Variants in PCDHGA5 observed in about 807,000 individuals in gnomAD.
The protein encoded by PCDHGA5 is protocadherin gamma-A5.
PCDHGA5 carries 36 observed loss-of-function variants against 56.7 expected under a neutral mutation model. The observed-to-expected ratio is 0.64, with a 90% CI of 0.49 to 0.84. The LOEUF is 0.84. PCDHGA5 is among the 40% of genes least tolerant of loss of function. The pLI is 0.00. For missense variants in PCDHGA5, 1,305 were observed against 1,201.5 expected (o/e 1.09, Z -1.27); for synonymous variants, 563 against 520.2 (o/e 1.08, Z -1.12).
At position 141,393,580 on chromosome 5, in the gene PCDHGA5, C is replaced by A. The variant is rs756625630; in HGVS notation, c.2421+26829C>A. 5.6e-6 allele frequency: 9 copies of A among 1,613,758 alleles called. No individual in the cohort carries two copies. In the South Asian group the frequency reaches 9.9e-5, roughly 18 times the overall value. ...CGAGTGAAAGTCCTTGAGAACATGC[C>A]CCCAGGCACGCGGCTGCTTACTGTA... is the stretch of plus-strand genomic sequence containing the variant. On this transcript the variant is annotated intron_variant, in intron 1 of 3. Transcript: ENST00000518069.
chr5:141,366,229 G>T lies in PCDHGA5; in HGVS notation c.1899G>T (p.Leu633=). ...TGEVRTARAL[L]DRDALKQSLV... ...AGGTGCGCACAGCGCGAGCCCTGCT[G>T]GACAGAGACGCGCTCAAGCAGAGCC... The change falls in exon 1 of 4, where the codon CTG becomes CTT. Residue 633 remains leucine, a synonymous_variant. Transcript: ENST00000518069. 6.2e-7 allele frequency: 1 copy of T among 1,613,808 alleles called. No homozygotes were observed. Among genetic ancestry groups the T allele is most frequent in the South Asian group, 1.1e-5 (1 of 91,082 alleles).
In PCDHGA5 at chr5:141,472,980, C is replaced by CAAAA. The variant is rs60579131; in HGVS notation, c.2422-21813_2422-21810dup. ...CAGCCTGGGGAACAAGAGTGAAACT[C>CAAAA]AAAAAAAAAAAAAAAAAGAAAGAAA... On this transcript the variant is annotated intron_variant, in intron 1 of 3. Transcript: ENST00000518069. 5.5e-3 allele frequency among the ~76,000 whole-genome samples: 472 copies of CAAAA among 85,978 alleles called. 4 individuals carry two copies. The highest frequency in any genetic ancestry group is 0.013 in the Admixed American group (104 of 8,158). The allele number at this position is 85,978 out of a possible 152,430, so 56.4% of individuals were successfully genotyped here. A position where few individuals can be genotyped will look rare whatever the true frequency, so the allele number is the denominator to read the frequency against.
chr5:141,493,935 C>T lies in PCDHGA5; in HGVS notation c.2422-872C>T, dbSNP rs1317863228. Among the ~76,000 whole-genome samples the T allele has an allele frequency of 6.6e-6, 1 of 152,158 alleles. No homozygotes were observed. Among genetic ancestry groups the T allele is most frequent in the Non-Finnish European group, 1.5e-5 (1 of 68,020 alleles). On this transcript the variant is annotated intron_variant, in intron 1 of 3. Coordinates refer to ENST00000518069, the MANE Select transcript of PCDHGA5 (RefSeq NM_018918.3). This position sits in a 1 kb window ranked among gnomAD's most constrained non-coding sequence, Gnocchi z 4.3. Reference sequence around the variant, plus strand: ...TGGGATAACACACCCCCTGGAAAGACCAGAAGGGACTCAGGAATGAAGTGG... The same window carrying T: ...TGGGATAACACACCCCCTGGAAAGATCAGAAGGGACTCAGGAATGAAGTGG...
At chr5:141,483,761 GA>G (rs1376816525) in intron 1 of PCDHGA5, among the ~76,000 whole-genome samples, 1 of 152,118 alleles carries the variant, frequency 6.6e-6, no homozygotes, top group African/African-American at 2.4e-5. Flanking sequence ...TCGAGGCTTG[GA>G]AAAATATTGG....
rs372827164 is a variant in PCDHGA5, at chr5:141,394,334, C to T, written c.2421+27583C>T. On this transcript the variant is annotated intron_variant, in intron 1 of 3. Coordinates refer to ENST00000518069, the MANE Select transcript of PCDHGA5 (RefSeq NM_018918.3). The stretch of plus-strand genomic sequence containing the variant: ...CGCCCCTGTCCTCGTATATCTCCAT[C>T]AACTCTGACACCGGTGTCCTGTATG... The T allele has an allele frequency of 1.2e-3, 1,991 of 1,614,118 alleles. 3 individuals carry two copies. The highest frequency in any genetic ancestry group is 1.6e-3 in the Non-Finnish European group (1,898 of 1,179,978).
In PCDHGA5 at chr5:141,490,072, G is replaced by A; in HGVS notation, c.2422-4735G>A. On this transcript the variant is annotated intron_variant, in intron 1 of 3. Transcript: ENST00000518069. This position sits in a 1 kb window ranked among gnomAD's most constrained non-coding sequence, Gnocchi z 5.4. ...AGACGAGGGCACCAACGGCCAACTA[G>A]ACTATTCTTTTGGAGACCACACATC... is the stretch of plus-strand genomic sequence containing the variant. The A allele has an allele frequency of 6.2e-7, 1 of 1,614,254 alleles. No homozygotes were observed. The highest frequency in any genetic ancestry group is 8.5e-7 in the Non-Finnish European group (1 of 1,180,042).
chr5:141,495,221 G>A lies in PCDHGA5; in HGVS notation c.2480+356G>A, dbSNP rs376660961. On this transcript the variant is annotated intron_variant, in intron 2 of 3. Coordinates refer to ENST00000518069, the MANE Select transcript of PCDHGA5 (RefSeq NM_018918.3). ...ACTGCCTAACCCCCTCCCCTGAGTT[G>A]AGCTGGGCTCCATTATGACCTGGGG... Among the ~76,000 whole-genome samples, 26 of 152,300 alleles carry A rather than the reference G, an allele frequency of 1.7e-4. 1 individual carries two copies. The East Asian group carries it at 4.4e-3, about 26-fold the overall frequency.
chr5:141,409,571 T>TACGTGGTCC (rs2095286242), intron 1 of PCDHGA5: 2 of 1,613,932 alleles, frequency 1.2e-6, no homozygotes, highest in East Asian at 4.5e-5. Context: ...CCAGACGTCC[T>TACGTGGTCC]ACGTGGTCCA....
intron 1 of PCDHGA5, chr5:141,371,832 G>T (rs765040359): frequency 6.2e-7 from 1 of 1,613,780 alleles, no homozygotes. Flanking sequence ...CTCGGATCCC[G>T]ACTTGGGACC....
chr5:141,444,194 G>A (rs1209269773), intron 1 of PCDHGA5, among the ~76,000 whole-genome samples: 1 of 67,352 alleles, frequency 1.5e-5, no homozygotes, highest in Non-Finnish European at 2.7e-5. Flanking sequence ...TTTTTGAGAT[G>A]GAGTTTCACT....
intron 1 of PCDHGA5, chr5:141,423,728 T>C (rs1312071121): frequency 9.4e-6 from 10 of 1,067,510 alleles, no homozygotes; most frequent in Non-Finnish European, 1.1e-5. Context: ...AGATGTTTTT[T>C]GAGCCTGTTA....
rs771459458 is a variant in PCDHGA5 at position 141,394,997 on chromosome 5, C to A, written c.2421+28246C>A. On this transcript the variant is annotated intron_variant, in intron 1 of 3. Coordinates refer to ENST00000518069, the MANE Select transcript of PCDHGA5 (RefSeq NM_018918.3). The stretch of plus-strand genomic sequence containing the variant: ...ACAAGTCACGCCTGCTCCAGGATTC[C>A]GGTGGCAGATTGGTAGGCGTGCCTG... 4 of 1,614,016 alleles carry A rather than the reference C, an allele frequency of 2.5e-6. No individual in the cohort carries two copies. In the South Asian group the frequency reaches 3.3e-5, roughly 13 times the overall value.
intron 1 of PCDHGA5, chr5:141,403,280 G>GT: frequency 6.2e-7 from 1 of 1,613,894 alleles, no homozygotes; most frequent in Non-Finnish European, 8.5e-7. Flanking sequence ...TAAAGTCCTG[G>GT]TTGAAGACAG....
intron 1 of PCDHGA5, chr5:141,442,120 C>G (rs766641164): frequency 6.0e-6 from 1 of 165,340 alleles, no homozygotes; most frequent in Admixed American, 6.5e-5. Flanking sequence ...CCCTCGTCGC[C>G]GACAGCCTGC....
At chr5:141,465,184 A>G (rs866520508) in intron 1 of PCDHGA5, among the ~76,000 whole-genome samples, 2 of 152,130 alleles carry the variant, frequency 1.3e-5, no homozygotes, top group Admixed American at 6.5e-5. Flanking sequence ...ATTTAATTAA[A>G]AGATAAAAAT....
chr5:141,394,325 T>G (rs563526295), intron 1 of PCDHGA5: 3 of 1,614,012 alleles, frequency 1.9e-6, no homozygotes, highest in South Asian at 2.2e-5. Flanking sequence ...TGTCCTCGTA[T>G]ATCTCCATCA....
chr5:141,438,789 G>C (rs970735448), intron 1 of PCDHGA5, among the ~76,000 whole-genome samples: 23 of 149,578 alleles, frequency 1.5e-4, no homozygotes, highest in African/African-American at 5.4e-4. Flanking sequence ...AGCCTCTCCA[G>C]TAGCTGGGAT....
At chr5:141,464,251 C>G (rs1438610569) in intron 1 of PCDHGA5, among the ~76,000 whole-genome samples, 1 of 141,396 alleles carries the variant, frequency 7.1e-6, no homozygotes, top group African/African-American at 2.7e-5. Context: ...GGCTACAGAG[C>G]GAGACTCCGT....
intron 1 of PCDHGA5, chr5:141,384,939 C>T (rs1780682611): frequency 6.2e-7 from 1 of 1,614,018 alleles, no homozygotes; most frequent in Non-Finnish European, 8.5e-7. Context: ...GCCTTGAGCC[C>T]TCCGACGGTC....
Sources: gnomAD v4.1 joint callset for allele counts (sites outside exome capture counted in the v4.1 genomes callset) on GRCh38, gnomAD v4.1.1 for gene constraint, Gnocchi (gnomAD v3.1) non-coding constraint, MANE v1.5 for transcripts, NCBI Gene and HGNC (gene_info 2026-07-23, HGNC 2026-07-21) for gene names.